MEGF9: variants seen among roughly 807,000 people sequenced by gnomAD.
MEGF9 encodes the protein multiple epidermal growth factor-like domains protein 9.
In MEGF9, 6 loss-of-function variants were observed where a neutral mutation model predicts 46.8. The ratio of observed to expected loss-of-function variants is 0.13; its 90% CI spans 0.07 to 0.25. The LOEUF (loss-of-function observed/expected upper bound fraction) is 0.25. MEGF9 is among the 10% of genes least tolerant of loss of function. The pLI is 1.00. For synonymous variants in MEGF9, 302 were observed against 330.7 expected (o/e 0.91, Z 0.94); for missense variants, 683 against 792.4 (o/e 0.86, Z 1.66).
chr9:120,650,439 C>T (rs1396297539), intron 2 of MEGF9, among the ~76,000 whole-genome samples: 1 of 152,072 alleles, frequency 6.6e-6, no homozygotes, highest in Non-Finnish European at 1.5e-5. Context: ...ATACTGTACA[C>T]CAACTCCTTC....
chr9:120,617,327 CTTTA>C (rs917293098), intron 3 of MEGF9, among the ~76,000 whole-genome samples: 16 of 152,218 alleles, frequency 1.1e-4, no homozygotes, highest in Admixed American at 7.2e-4. Context: ...TTCCTTATTC[CTTTA>C]TTTATTTTAC....
At chr9:120,677,307 ATT>A (rs35072481) in intron 1 of MEGF9, among the ~76,000 whole-genome samples, 2 of 151,430 alleles carry the variant, frequency 1.3e-5, no homozygotes, top group East Asian at 3.9e-4. Flanking sequence ...TAAAAAAAAA[ATT>A]TTTTTTATAG....
chr9:120,630,382 T>C (rs185649759), intron 2 of MEGF9, among the ~76,000 whole-genome samples: 1 of 152,352 alleles, frequency 6.6e-6, no homozygotes, highest in East Asian at 1.9e-4. Context: ...TAGTGTTCCA[T>C]TGCACACATT....
At position 120,695,332 on chromosome 9, in the gene MEGF9, G is replaced by A. The variant is rs186838482; in HGVS notation, c.601+18426C>T. 7.5e-4 allele frequency among the ~76,000 whole-genome samples: 114 copies of A among 152,068 alleles called. 2 individuals are homozygous for A. Among genetic ancestry groups the A allele is most frequent in the Admixed American group, 1.4e-3 (21 of 15,292 alleles). On this transcript the variant is annotated intron_variant, in intron 1 of 5. Coordinates refer to ENST00000373930, the MANE Select transcript of MEGF9 (RefSeq NM_001080497.3). ...AAAGCAAGTAATCAAAAGGTCAGGCGCGGTAGCTCACGCCTGTAATCCCAA... is the reference window on the plus strand; with the variant it reads ...AAAGCAAGTAATCAAAAGGTCAGGCACGGTAGCTCACGCCTGTAATCCCAA...
intron 2 of MEGF9, among the ~76,000 whole-genome samples, chr9:120,630,951 T>C (rs897199258): frequency 1.3e-5 from 2 of 152,246 alleles, no homozygotes; most frequent in Non-Finnish European, 2.9e-5. Context: ...CTCTGTTGAT[T>C]GCTGCCTTTG....
In MEGF9 at chr9:120,605,105, A is replaced by C. The variant is rs1325029250; in HGVS notation, c.*85T>G. On this transcript the variant is annotated 3_prime_UTR_variant, in exon 6 of 6. Transcript: ENST00000373930. The surrounding 1 kb of genome is among the most constrained non-coding windows in gnomAD (Gnocchi z 4.0). The stretch of plus-strand genomic sequence containing the variant: ...CTATTTGCCTTTGCTTTCTCAGCAA[A>C]CTCTAGCCAGGCTTTGTCTGGCCCA... 1 of 1,394,052 alleles carries C rather than the reference A, an allele frequency of 7.2e-7. No individual in the cohort carries two copies. The highest frequency in any genetic ancestry group is 2.3e-5 in the East Asian group (1 of 43,606). The allele number at this position is 1,394,052 out of a possible 1,614,324, so 86.4% of individuals were successfully genotyped here. A position where few individuals can be genotyped will look rare whatever the true frequency, so the allele number is the denominator to read the frequency against.
intron 1 of MEGF9, among the ~76,000 whole-genome samples, chr9:120,684,177 A>T (rs1045994209): frequency 6.6e-6 from 1 of 152,122 alleles, no homozygotes; most frequent in Non-Finnish European, 1.5e-5. Context: ...TTGACAGGAG[A>T]ACCTGAATTT....
chr9:120,714,321 G>C lies in MEGF9; in HGVS notation c.38C>G (p.Pro13Arg). ...GGAERAMRSL[P>R]SLGGLALLCC... ...CAACAGGGCGAGGCCGCCCAGGCTCGGCAGGCTCCTCATGGCGCGCTCGGC... is the reference window on the plus strand; with the variant it reads ...CAACAGGGCGAGGCCGCCCAGGCTCCGCAGGCTCCTCATGGCGCGCTCGGC... Residue 13 changes from proline (P) to arginine (R), a missense_variant, in exon 1 of 6, where the codon CCG becomes CGG. This residue lies in a region of MEGF9 where 370 missense variants were observed against 371.3 expected (regional missense o/e 1.00). Coordinates refer to ENST00000373930, the MANE Select transcript of MEGF9 (RefSeq NM_001080497.3). 1 of 1,337,280 alleles carries C rather than the reference G, an allele frequency of 7.5e-7. No homozygotes were observed. Among genetic ancestry groups the C allele is most frequent in the Non-Finnish European group, 9.6e-7 (1 of 1,041,964 alleles). The allele number at this position is 1,337,280 out of a possible 1,614,324, so 82.8% of individuals were successfully genotyped here.
At chr9:120,712,332 A>T (rs1240784009) in intron 1 of MEGF9, among the ~76,000 whole-genome samples, 3 of 152,202 alleles carry the variant, frequency 2.0e-5, no homozygotes, top group Non-Finnish European at 4.4e-5. Context: ...TATTATCTTC[A>T]TTTCACAATC....
intron 2 of MEGF9, among the ~76,000 whole-genome samples, chr9:120,653,130 T>C (rs556219706): frequency 6.6e-6 from 1 of 152,206 alleles, no homozygotes; most frequent in Non-Finnish European, 1.5e-5. Context: ...CAGAGCTGTT[T>C]GCTCAGAGTT....
intron 2 of MEGF9, among the ~76,000 whole-genome samples, chr9:120,638,346 C>T (rs1587980763): frequency 6.6e-6 from 1 of 152,304 alleles, no homozygotes; most frequent in Non-Finnish European, 1.5e-5. Flanking sequence ...CAAAAATTAA[C>T]TTGTAGTGCC....
At chr9:120,691,705 T>C (rs1256402423) in intron 1 of MEGF9, among the ~76,000 whole-genome samples, 2 of 152,184 alleles carry the variant, frequency 1.3e-5, no homozygotes, top group Admixed American at 1.3e-4. Context: ...TTCTATGATG[T>C]AGGCTGACAG....
intron 2 of MEGF9, among the ~76,000 whole-genome samples, chr9:120,623,871 C>A (rs535177631): frequency 2.0e-5 from 3 of 152,294 alleles, no homozygotes; most frequent in African/African-American, 7.2e-5. Context: ...ATTTCCAAGG[C>A]TTTTAAAATG....
rs2132295415 is a variant in MEGF9 at position 120,604,433 on chromosome 9, A to G, written c.*757T>C. The G allele has an allele frequency of 6.5e-6, 1 of 152,762 alleles. No individual in the cohort carries two copies. The highest frequency in any genetic ancestry group is 1.9e-4 in the East Asian group (1 of 5,188). The allele number at this position is 152,762 out of a possible 1,614,324, so 9.5% of individuals were successfully genotyped here. On this transcript the variant is annotated 3_prime_UTR_variant, in exon 6 of 6. Coordinates refer to ENST00000373930, the MANE Select transcript of MEGF9 (RefSeq NM_001080497.3). ...TTTTTTACAAATAGATACAAATACA[A>G]CGTCGACCAGATATGCTACATTAAC...
At chr9:120,637,903 T>C (rs1270196426) in intron 2 of MEGF9, among the ~76,000 whole-genome samples, 1 of 152,060 alleles carries the variant, frequency 6.6e-6, no homozygotes, top group East Asian at 1.9e-4. Context: ...TCTAGGTATC[T>C]TGCCAAGAAG....
rs549545582 is a variant in MEGF9, at chr9:120,607,463, TTAAATTATTAACATAAAAATAAAAA to T, written c.1357+253_1357+277del. On this transcript the variant is annotated intron_variant, in intron 5 of 5. Transcript: ENST00000373930. ...AAGAATAAAAGAAATGATAGGATTC[TTAAATTATTAACATAAAAATAAAAA>T]TAGATGAAGAGAAAAATGTGAGAAC... is the stretch of plus-strand genomic sequence containing the variant. Among the ~76,000 whole-genome samples, 193 of 152,318 alleles carry T rather than the reference TTAAATTATTAACATAAAAATAAAAA, an allele frequency of 1.3e-3. 4 individuals carry two copies. Among genetic ancestry groups the T allele is most frequent in the Admixed American group, 2.2e-3 (34 of 15,300 alleles).
At chr9:120,629,762 G>A (rs189078658) in intron 2 of MEGF9, among the ~76,000 whole-genome samples, 4 of 152,028 alleles carry the variant, frequency 2.6e-5, no homozygotes, top group East Asian at 1.9e-4. Flanking sequence ...GGTGAAACCC[G>A]TCTCTACTAA....
intron 2 of MEGF9, among the ~76,000 whole-genome samples, chr9:120,649,344 C>A (rs1449577979): frequency 6.6e-6 from 1 of 152,152 alleles, no homozygotes; most frequent in Non-Finnish European, 1.5e-5. Flanking sequence ...CCAGTGGAAG[C>A]TACTATCTGT....
At position 120,612,453 on chromosome 9, in the gene MEGF9, T is replaced by C. The variant is rs2043452042; in HGVS notation, c.1030A>G (p.Lys344Glu). Residue 344 changes from lysine to glutamate, a missense_variant, in exon 4 of 6, where the codon AAA becomes GAA. Lys to Glu is a moderately conservative substitution (Grantham distance 56). This residue lies in a region of MEGF9 where 313 missense variants were observed against 421.1 expected (regional missense o/e 0.74). Coordinates refer to ENST00000373930, the MANE Select transcript of MEGF9 (RefSeq NM_001080497.3). ...GAACAAGGGCAGCGAAGACATTCTT[T>C]AGTGGCATCAGGACTCTGATAAAAT... is the stretch of plus-strand genomic sequence containing the variant. ...EGFYQSPDAT[K>E]ECLRCPCSAV... The C allele has an allele frequency of 1.9e-6, 3 of 1,613,808 alleles. No individual in the cohort carries two copies. Among genetic ancestry groups the C allele is most frequent in the Non-Finnish European group, 2.5e-6 (3 of 1,179,738 alleles).
Sources: gnomAD v4.1 joint callset for allele counts (sites outside exome capture counted in the v4.1 genomes callset) on GRCh38, gnomAD v4.1.1 for gene constraint, gnomAD v4.1.1 regional missense constraint, Gnocchi (gnomAD v3.1) non-coding constraint, MANE v1.5 for transcripts, NCBI Gene and HGNC (gene_info 2026-07-23, HGNC 2026-07-21) for gene names.